The following TTLL7 variants were observed in gnomAD, a reference collection of about 807,000 sequenced individuals.
TTLL7 encodes tubulin tyrosine ligase like 7, also known as tubulin polyglutamylase TTLL7.
In TTLL7, 53 loss-of-function variants were observed where a neutral mutation model predicts 120.2. The observed-to-expected ratio is 0.44, with a 90% CI of 0.35 to 0.55. The LOEUF (loss-of-function observed/expected upper bound fraction) is 0.55, where lower values mean the gene tolerates loss of function less well. Among genes scored for constraint, TTLL7 ranks in the 20% least tolerant of loss-of-function variants. TTLL7 has a pLI of 0.00. For missense variants in TTLL7, 803 were observed against 1,054.7 expected, an observed-to-expected ratio of 0.76 and a Z score of 3.31; for synonymous variants, 353 against 351.7, an observed-to-expected ratio of 1.00 and a Z score of -0.04.
At chr1:83,960,734 T>C (rs1649941331) in intron 1 of TTLL7, among the ~76,000 whole-genome samples, 2 of 152,090 alleles carry the variant, frequency 1.3e-5, no homozygotes, top group South Asian at 4.1e-4. Flanking sequence ...GCATAACTGC[T>C]CCTATTTCTG....
intron 8 of TTLL7, among the ~76,000 whole-genome samples, chr1:83,935,254 G>T (rs562122124): frequency 4.6e-5 from 7 of 152,184 alleles, no homozygotes; most frequent in African/African-American, 1.7e-4. Flanking sequence ...TTAAAACTTT[G>T]ACTGATAAGT....
intron 20 of TTLL7, chr1:83,879,927 T>C (rs1654295405): frequency 6.6e-6 from 1 of 152,030 alleles, no homozygotes; most frequent in Admixed American, 6.6e-5. Context: ...AGACTCGTCC[T>C]ACTTTGTGTA....
chr1:83,917,694 CA>C lies in TTLL7; in HGVS notation c.1501-5del, dbSNP rs34990847. ...GAAGATCCAAAATATCTTCTTCCTT[CA>C]AAAAATATTCTAATTAAAATTACAA... is the stretch of plus-strand genomic sequence containing the variant. On this transcript the variant is annotated splice_polypyrimidine_tract_variant and splice_region_variant and intron_variant, in intron 13 of 20. Coordinates refer to ENST00000260505, the MANE Select transcript of TTLL7 (RefSeq NM_024686.6). The C allele has an allele frequency of 4.4e-6, 7 of 1,597,374 alleles. No homozygotes were observed. The highest frequency in any genetic ancestry group is 6.0e-6 in the Non-Finnish European group (7 of 1,166,390).
At position 83,952,371 on chromosome 1, in the gene TTLL7, A is replaced by G; in HGVS notation, c.-160T>C. On this transcript the variant is annotated 5_prime_UTR_variant, in exon 2 of 21. Coordinates refer to ENST00000260505, the MANE Select transcript of TTLL7 (RefSeq NM_024686.6). ...CCTCAGATTTCAGGATACCAAAGTT[A>G]TGGGATAACAAGGTACCTGCAGTGA... is the stretch of plus-strand genomic sequence containing the variant. 1 of 671,512 alleles carries G rather than the reference A, an allele frequency of 1.5e-6. No homozygotes were observed. The highest frequency in any genetic ancestry group is 1.8e-5 in the African/African-American group (1 of 54,152). 41.6% of individuals were successfully genotyped at this position (671,512 alleles called of 1,614,324 possible). A position where few individuals can be genotyped will look rare whatever the true frequency, so the allele number is the denominator to read the frequency against.
Position 83,883,055 on chromosome 1 carries a change from C to T in TTLL7, c.2451G>A (p.Glu817=). Residue 817 remains glutamate (E), a synonymous_variant, in exon 20 of 21, where the codon GAG becomes GAA. Coordinates refer to ENST00000260505, the MANE Select transcript of TTLL7 (RefSeq NM_024686.6). ...LQLQCCQRLV[E]LCKQCLLVVY... ...CCACTAGCAGGCACTGTTTACAAAG[C>T]TCCACTAGGCGCTGGCAACACTGGA... 1 of 1,612,726 alleles carries T rather than the reference C, an allele frequency of 6.2e-7. No individual in the cohort carries two copies. Among genetic ancestry groups the T allele is most frequent in the Non-Finnish European group, 8.5e-7 (1 of 1,179,202 alleles).
At chr1:83,886,309 T>C (rs975814951) in intron 19 of TTLL7, among the ~76,000 whole-genome samples, 1 of 152,050 alleles carries the variant, frequency 6.6e-6, no homozygotes, top group African/African-American at 2.4e-5. Context: ...TAGGGGTCCC[T>C]AGAATTGGCC....
At chr1:83,959,160 T>C (rs1008109996) in intron 1 of TTLL7, among the ~76,000 whole-genome samples, 2 of 152,208 alleles carry the variant, frequency 1.3e-5, no homozygotes, top group African/African-American at 2.4e-5. Context: ...GCAAACTTCT[T>C]AGAAATGCAT....
chr1:83,937,435 T>G (rs574032157), intron 8 of TTLL7, among the ~76,000 whole-genome samples: 1 of 152,254 alleles, frequency 6.6e-6, no homozygotes, highest in African/African-American at 2.4e-5. Context: ...ACTCCTGACC[T>G]CAAGTGATCC....
At chr1:83,952,916 C>T (rs755235131) in intron 1 of TTLL7, among the ~76,000 whole-genome samples, 1 of 152,190 alleles carries the variant, frequency 6.6e-6, no homozygotes, top group Non-Finnish European at 1.5e-5. Flanking sequence ...ATGCCTGAAA[C>T]ACTGCTTTTA....
At chr1:83,988,280 G>A (rs984882221) in intron 1 of TTLL7, among the ~76,000 whole-genome samples, 8 of 152,138 alleles carry the variant, frequency 5.3e-5, no homozygotes, top group South Asian at 2.1e-4. Flanking sequence ...CCAATCCACC[G>A]CTGATGGCAC....
Position 83,925,045 on chromosome 1 carries a change from A to ATC in TTLL7, c.1143-3653_1143-3652dup, listed in dbSNP as rs575479788. On this transcript the variant is annotated intron_variant, in intron 10 of 20. Coordinates refer to ENST00000260505, the MANE Select transcript of TTLL7 (RefSeq NM_024686.6). ...CTGATCAGAGTATCAGAGCTTATAA[A>ATC]TCTCTTCTGATACTGGCATCCCTCA... 4.3e-4 allele frequency among the ~76,000 whole-genome samples: 66 copies of ATC among 152,222 alleles called. 1 individual carries two copies. In the South Asian group the frequency reaches 0.013, roughly 30 times the overall value.
At chr1:83,991,057 C>CAATATAATG (rs1175851645) in intron 1 of TTLL7, among the ~76,000 whole-genome samples, 1 of 152,122 alleles carries the variant, frequency 6.6e-6, no homozygotes, top group Non-Finnish European at 1.5e-5. Context: ...CATGGATGAA[C>CAATATAATG]TTGGAGGACA....
intron 12 of TTLL7, among the ~76,000 whole-genome samples, 191 bp downstream of exon 12, chr1:83,920,896 C>T (rs1420344272): frequency 6.6e-6 from 1 of 152,018 alleles, no homozygotes; most frequent in Non-Finnish European, 1.5e-5. Flanking sequence ...CAGAGGCTGG[C>T]TAGCAGGAGC....
intron 14 of TTLL7, among the ~76,000 whole-genome samples, chr1:83,912,081 C>A (rs1657725946): frequency 6.6e-6 from 1 of 152,238 alleles, no homozygotes; most frequent in African/African-American, 2.4e-5. Context: ...GTATTCCTAA[C>A]TCTGGCACGT....
chr1:83,980,590 A>G (rs1304571583), intron 1 of TTLL7: 1 of 152,200 alleles, frequency 6.6e-6, no homozygotes, highest in African/African-American at 2.4e-5. Context: ...GGACAAAGGA[A>G]AACTAAGAAA....
chr1:83,945,049 ATATC>A (rs1359733378), intron 6 of TTLL7, among the ~76,000 whole-genome samples: 2 of 152,238 alleles, frequency 1.3e-5, no homozygotes, highest in African/African-American at 4.8e-5. Context: ...ACAGAAGAAA[ATATC>A]TATTTAACAC....
chr1:83,910,268 G>A (rs970177562), intron 15 of TTLL7, among the ~76,000 whole-genome samples: 4 of 152,058 alleles, frequency 2.6e-5, no homozygotes, highest in South Asian at 2.1e-4. Flanking sequence ...CATTGCTGAC[G>A]GTAAAAAGGG....
chr1:83,937,911 A>T lies in TTLL7; in HGVS notation c.829T>A (p.Phe277Ile), dbSNP rs1462076503. The T allele has an allele frequency of 1.2e-6, 2 of 1,614,086 alleles. No homozygotes were observed. Among genetic ancestry groups the T allele is most frequent in the Admixed American group, 3.3e-5 (2 of 60,010 alleles). Residue 277 changes from phenylalanine (F) to isoleucine (I), a missense_variant, in exon 8 of 21, where the codon TTT becomes ATT. Physicochemically the swap from Phe to Ile is conservative, Grantham distance 21. Transcript: ENST00000260505. ...NKGSKRSIKW[F>I]TEFLQANQHD... ...TGATTTGCTTGAAGGAATTCTGTAA[A>T]CCATTTGATGGAACGTTTGCTGCCT...
intron 20 of TTLL7, among the ~76,000 whole-genome samples, chr1:83,874,532 T>A (rs1487730557): frequency 1.3e-5 from 2 of 152,040 alleles, no homozygotes; most frequent in Non-Finnish European, 2.9e-5. Flanking sequence ...CTATATTTAA[T>A]TTTTTAGAAA....
Sources: allele counts gnomAD v4.1 joint callset (sites outside exome capture counted in the v4.1 genomes callset), GRCh38; gene constraint gnomAD v4.1.1; transcripts MANE v1.5; gene names NCBI Gene and HGNC (gene_info 2026-07-23, HGNC 2026-07-21).